Variants in ERG observed in about 807,000 individuals in gnomAD.
ERG encodes transcriptional regulator ERG.
A neutral mutation model predicts 55.3 loss-of-function variants in ERG; 9 were observed. The ratio of observed to expected loss-of-function variants is 0.16; its 90% CI spans 0.10 to 0.28. The LOEUF (loss-of-function observed/expected upper bound fraction) is 0.28, where lower values mean the gene tolerates loss of function less well. Ranked by LOEUF, ERG falls within the 10% of genes least tolerant of loss-of-function variation. The pLI, the probability that ERG is intolerant of heterozygous loss-of-function variation, is 1.00. For synonymous variants in ERG, 223 were observed against 237.3 expected, an observed-to-expected ratio of 0.94 and a Z score of 0.55; for missense variants, 434 against 631.6, an observed-to-expected ratio of 0.69 and a Z score of 3.35.
chr21:38,637,289 C>T (rs966117107), intron 1 of ERG, among the ~76,000 whole-genome samples: 1 of 152,062 alleles, frequency 6.6e-6, no homozygotes, highest in Non-Finnish European at 1.5e-5. Context: ...GACCCACCTG[C>T]GAATTGGCAA....
chr21:38,607,505 A>C (rs1405937079), intron 1 of ERG, among the ~76,000 whole-genome samples: 1 of 151,922 alleles, frequency 6.6e-6, no homozygotes, highest in Non-Finnish European at 1.5e-5. Context: ...GGTGGCGGGC[A>C]CCTGTAGTCC....
chr21:38,466,579 T>G (rs968557642), intron 1 of ERG, among the ~76,000 whole-genome samples: 5 of 152,034 alleles, frequency 3.3e-5, no homozygotes, highest in African/African-American at 1.2e-4. Context: ...GGGTCTATGT[T>G]GGAAGCAAAA....
intron 2 of ERG, among the ~76,000 whole-genome samples, chr21:38,520,456 C>T (rs1376588339): frequency 2.6e-5 from 4 of 152,224 alleles, no homozygotes; most frequent in Admixed American, 6.5e-5. Context: ...ACAATCTCAT[C>T]TGTGTCCATG....
chr21:38,495,374 G>A (rs2059371098), intron 1 of ERG, among the ~76,000 whole-genome samples: 1 of 152,224 alleles, frequency 6.6e-6, no homozygotes, highest in South Asian at 2.1e-4. Flanking sequence ...CTTTAGGCAA[G>A]TCATGGAAAT....
intron 1 of ERG, chr21:38,661,582 C>T (rs1408858063): frequency 6.6e-6 from 1 of 152,268 alleles, no homozygotes; most frequent in African/African-American, 2.4e-5. Context: ...AGCTTGTCCG[C>T]CTCCGGGGCT....
rs933820174 is a variant in ERG, at chr21:38,382,004, T to C, written c.*1399A>G. On this transcript the variant is annotated 3_prime_UTR_variant, in exon 10 of 10. Transcript: ENST00000288319. ...AAGCAACTTTAGTCACTAAAAAAAG[T>C]GCAAATGCAGACTCCTGTATAAATC... 3.8e-6 allele frequency: 4 copies of C among 1,060,760 alleles called. No homozygotes were observed. The highest frequency in any genetic ancestry group is 3.3e-5 in the African/African-American group (2 of 60,824). The allele number at this position is 1,060,760 out of a possible 1,614,324, so 65.7% of individuals were successfully genotyped here. A position where few individuals can be genotyped will look rare whatever the true frequency, so the allele number is the denominator to read the frequency against.
At chr21:38,413,725 T>C (rs1989158365) in intron 3 of ERG, among the ~76,000 whole-genome samples, 2 of 85,888 alleles carry the variant, frequency 2.3e-5, no homozygotes, top group Admixed American at 1.3e-4. Flanking sequence ...TGTTTTCTTT[T>C]GTTGTTGTTG....
At chr21:38,416,027 T>A (rs573860518) in intron 3 of ERG, among the ~76,000 whole-genome samples, 1 of 152,200 alleles carries the variant, frequency 6.6e-6, no homozygotes, top group Non-Finnish European at 1.5e-5. Flanking sequence ...TCGGAGGGTA[T>A]GTTCTATTAC....
At chr21:38,526,161 CCTT>C (rs2059629034) in intron 2 of ERG, among the ~76,000 whole-genome samples, 2 of 152,156 alleles carry the variant, frequency 1.3e-5, no homozygotes, top group South Asian at 4.1e-4. Context: ...GATGCTCTGT[CCTT>C]CTCGGGTATG....
intron 2 of ERG, among the ~76,000 whole-genome samples, chr21:38,434,145 A>G (rs553419417): frequency 2.6e-5 from 4 of 152,102 alleles, no homozygotes; most frequent in Non-Finnish European, 5.9e-5. Context: ...CAATTCACTC[A>G]TTTGTTTAGC....
chr21:38,384,748 C>T (rs974918780), intron 9 of ERG, among the ~76,000 whole-genome samples: 1 of 151,304 alleles, frequency 6.6e-6, no homozygotes, highest in African/African-American at 2.4e-5. Context: ...TTATTTCTAA[C>T]ATAACATTTT....
intron 2 of ERG, among the ~76,000 whole-genome samples, chr21:38,512,928 T>G (rs758805139): frequency 6.6e-6 from 1 of 152,044 alleles, no homozygotes; most frequent in Non-Finnish European, 1.5e-5. Flanking sequence ...GTCAGGAGAT[T>G]GAGACCACCC....
Position 38,423,511 on chromosome 21 carries a change from C to T in ERG, c.287G>A (p.Ser96Asn), listed in dbSNP as rs1217892954. ...GTAGTTCATCCCAACGGTGTCTGGG[C>T]TGCCCACCATCTTCCCGCCTTTGGC... The part of the protein sequence containing the change: ...SVAKGGKMVG[S>N]PDTVGMNYGS... Residue 96 changes from serine (S) to asparagine (N), a missense_variant, in exon 3 of 10, where the codon AGC (serine) becomes AAC (asparagine). Around this residue, in one of 5 missense-constraint regions of ERG, gnomAD observed 212 missense variants for 262.9 expected, o/e 0.81. Coordinates refer to ENST00000288319, the MANE Select transcript of ERG (RefSeq NM_182918.4). The T allele has an allele frequency of 1.9e-6, 3 of 1,614,142 alleles. No individual in the cohort carries two copies. The South Asian group carries it at 3.3e-5, about 18-fold the overall frequency.
At chr21:38,618,897 C>CT (rs900695329) in intron 1 of ERG, among the ~76,000 whole-genome samples, 2 of 152,304 alleles carry the variant, frequency 1.3e-5, no homozygotes, top group African/African-American at 4.8e-5. Flanking sequence ...GCTAGGAAAA[C>CT]TAAGCGTTAA....
chr21:38,454,448 G>A (rs1465627396), intron 1 of ERG, among the ~76,000 whole-genome samples: 1 of 152,204 alleles, frequency 6.6e-6, no homozygotes, highest in Non-Finnish European at 1.5e-5. Context: ...GTCAGAATCT[G>A]CTTTGTAACA....
rs1990047221 is a variant in ERG at position 38,429,511 on chromosome 21, GTATATACATGTATGCACATGTA to G, written c.237-5972_237-5951del. On this transcript the variant is annotated intron_variant, in intron 2 of 9. Transcript: ENST00000288319. ...TGCACATGTACATATATACATATGT[GTATATACATGTATGCACATGTA>G]CATATATACATATGTGTATATGTAC... Among the ~76,000 whole-genome samples, 3 of 103,414 alleles carry G rather than the reference GTATATACATGTATGCACATGTA, an allele frequency of 2.9e-5. 1 individual carries two copies. Among genetic ancestry groups the G allele is most frequent in the African/African-American group, 1.5e-4 (3 of 19,920 alleles). 67.8% of individuals were successfully genotyped at this position (103,414 alleles called of 152,430 possible). A position where few individuals can be genotyped will look rare whatever the true frequency, so the allele number is the denominator to read the frequency against.
intron 2 of ERG, among the ~76,000 whole-genome samples, chr21:38,546,771 C>T (rs2059790672): frequency 6.6e-6 from 1 of 152,210 alleles, no homozygotes; most frequent in Non-Finnish European, 1.5e-5. Flanking sequence ...TTCTCAGAAG[C>T]AATTACACAT....
intron 1 of ERG, among the ~76,000 whole-genome samples, chr21:38,647,683 G>A (rs2066681294): frequency 6.6e-6 from 1 of 152,178 alleles, no homozygotes; most frequent in Admixed American, 6.5e-5. Flanking sequence ...TGGCACCAGT[G>A]CCTCAGGTGA....
In ERG at chr21:38,488,872, C is replaced by G. The variant is rs1269696831; in HGVS notation, c.18+9491G>C. Among the ~76,000 whole-genome samples, 3 of 152,184 alleles carry G rather than the reference C, an allele frequency of 2.0e-5. No individual in the cohort carries two copies. In the South Asian group the frequency reaches 6.2e-4, roughly 32 times the overall value. The stretch of plus-strand genomic sequence containing the variant: ...CTAATCACGTCCCCTTAAAAATCAC[C>G]GAGTAGATGACACCGAGGATGAGAA... On this transcript the variant is annotated intron_variant, in intron 1 of 9. Transcript: ENST00000288319.
Sources: gnomAD v4.1 joint callset for allele counts (sites outside exome capture counted in the v4.1 genomes callset) on GRCh38, gnomAD v4.1.1 for gene constraint, gnomAD v4.1.1 regional missense constraint, MANE v1.5 for transcripts, NCBI Gene and HGNC (gene_info 2026-07-23, HGNC 2026-07-21) for gene names.